The following KLHL22 variants were observed in gnomAD, a reference collection of about 807,000 sequenced individuals.
KLHL22 encodes kelch-like protein 22.
KLHL22 carries 18 observed loss-of-function variants against 60.7 expected under a neutral mutation model. That is an observed-to-expected ratio of 0.30 (90% CI 0.20 to 0.44). KLHL22 has a LOEUF of 0.44. Ranked by LOEUF, KLHL22 falls within the 20% of genes least tolerant of loss-of-function variation. The pLI, the probability that KLHL22 is intolerant of heterozygous loss-of-function variation, is 1.00. For missense variants in KLHL22, 596 were observed against 852.3 expected, an observed-to-expected ratio of 0.70 and a Z score of 3.74; for synonymous variants, 355 against 354.5, an observed-to-expected ratio of 1.00 and a Z score of -0.01.
chr22:20,448,446 T>C (rs984984783), intron 5 of KLHL22, among the ~76,000 whole-genome samples: 1 of 152,250 alleles, frequency 6.6e-6, no homozygotes, highest in African/African-American at 2.4e-5. Context: ...TATTGCTCAG[T>C]AGTATTCCAT....
In KLHL22 at chr22:20,446,612, T is replaced by G. The variant is rs770578900; in HGVS notation, c.1370A>C (p.Glu457Ala). 51 of 1,613,618 alleles carry G rather than the reference T, an allele frequency of 3.2e-5. No individual in the cohort carries two copies. The highest frequency in any genetic ancestry group is 3.4e-5 in the Non-Finnish European group (40 of 1,180,030). Residue 457 changes from glutamate (E) to alanine (A), a missense_variant, in exon 6 of 7, where the codon GAG (glutamate) becomes GCG (alanine). By Grantham distance (107) the Glu-to-Ala change is moderately radical. Coordinates refer to ENST00000328879, the MANE Select transcript of KLHL22 (RefSeq NM_032775.4). ...GCAGTGTGTCTCTTTCAGGTAATCC[T>G]CCCCTCTGCGGCCGCAGGTGATATA... is the stretch of plus-strand genomic sequence containing the variant. ...KMYITCGRRG[E>A]DYLKETHCYD...
At chr22:20,492,620 C>T (rs536997163) in intron 1 of KLHL22, among the ~76,000 whole-genome samples, 21 of 151,050 alleles carry the variant, frequency 1.4e-4, no homozygotes, top group African/African-American at 3.4e-4. Flanking sequence ...GACGGAGTCT[C>T]GCTCTGTCAC....
At chr22:20,468,511 A>G (rs1005975811) in intron 3 of KLHL22, among the ~76,000 whole-genome samples, 1 of 152,222 alleles carries the variant, frequency 6.6e-6, no homozygotes, top group African/African-American at 2.4e-5. Context: ...GACACCGTGA[A>G]GAATCTGGTC....
chr22:20,471,630 T>G (rs2053328604), intron 2 of KLHL22, 115 bp from the exon 3 acceptor site: 1 of 1,062,738 alleles, frequency 9.4e-7, no homozygotes, highest in East Asian at 2.4e-5. Context: ...GCCCTGGTAG[T>G]GGGCTGACCC....
chr22:20,443,655 C>T (rs1205066312), intron 6 of KLHL22, among the ~76,000 whole-genome samples: 1 of 152,116 alleles, frequency 6.6e-6, no homozygotes, highest in East Asian at 1.9e-4. Context: ...AGGAGAATCA[C>T]TTGAACCCAG....
intron 1 of KLHL22, among the ~76,000 whole-genome samples, chr22:20,493,978 C>T (rs2053728978): frequency 6.6e-6 from 1 of 151,416 alleles, no homozygotes; most frequent in Non-Finnish European, 1.5e-5. Context: ...AAGGGGGAAG[C>T]TGAGGCAGGA....
intron 1 of KLHL22, among the ~76,000 whole-genome samples, chr22:20,494,919 G>A (rs1484276116): frequency 1.3e-5 from 2 of 152,236 alleles, no homozygotes; most frequent in Non-Finnish European, 2.9e-5. Flanking sequence ...CGAACGAGCA[G>A]TATCCCCTCA....
rs139279490 is a variant in KLHL22, at chr22:20,442,279, C to T, written c.1699G>A (p.Asp567Asn). The change falls in exon 7 of 7, where the codon GAT (aspartate) becomes AAT (asparagine). Residue 567 changes from aspartate to asparagine, a missense_variant. Asp to Asn is a conservative substitution (Grantham distance 23). Coordinates refer to ENST00000328879, the MANE Select transcript of KLHL22 (RefSeq NM_032775.4). ...TCCTCCCAGCAGTCCTTCTCCACATCGTAAATGTGCACGTAGCCTGTGCGG... is the reference window on the plus strand; with the variant it reads ...TCCTCCCAGCAGTCCTTCTCCACATTGTAAATGTGCACGTAGCCTGTGCGG... ...GSRTGYVHIY[D>N]VEKDCWEEGP... 23 of 1,613,828 alleles carry T rather than the reference C, an allele frequency of 1.4e-5. No homozygotes were observed. Among genetic ancestry groups the T allele is most frequent in the African/African-American group, 5.3e-5 (4 of 74,946 alleles).
chr22:20,480,397 CAAAT>C (rs1273778552), intron 2 of KLHL22, among the ~76,000 whole-genome samples: 7 of 152,194 alleles, frequency 4.6e-5, no homozygotes, highest in South Asian at 4.1e-4. Context: ...GGGGAATGAC[CAAAT>C]AAATAGAGGA....
rs146511974 is a variant in KLHL22, at chr22:20,446,626, G to A, written c.1356C>T (p.Cys452=). 551 of 1,613,346 alleles carry A rather than the reference G, an allele frequency of 3.4e-4. No homozygotes were observed. Among genetic ancestry groups the A allele is most frequent in the Middle Eastern group, 6.6e-4 (4 of 6,062 alleles). ...TCAGGTAATCCTCCCCTCTGCGGCC[G>A]CAGGTGATATACATCTTCCCCTCCA... ...ATLEGKMYIT[C]GRRGEDYLKE... The change falls in exon 6 of 7, where the codon TGC becomes TGT. Residue 452 remains cysteine (C), a synonymous_variant. Coordinates refer to ENST00000328879, the MANE Select transcript of KLHL22 (RefSeq NM_032775.4).
intron 2 of KLHL22, chr22:20,484,013 G>T: frequency 1.4e-6 from 1 of 737,640 alleles, no homozygotes; most frequent in Non-Finnish European, 2.4e-6. Context: ...CGCTGGCCAC[G>T]CTGCTGACCA....
chr22:20,450,314 C>G (rs2146179129), intron 5 of KLHL22: 2 of 1,146,598 alleles, frequency 1.7e-6, no homozygotes, highest in Non-Finnish European at 2.7e-6. Flanking sequence ...TCACTAGTGA[C>G]CTTTATAGAA....
intron 5 of KLHL22, among the ~76,000 whole-genome samples, chr22:20,447,060 C>T (rs547945765): frequency 6.6e-6 from 1 of 152,220 alleles, no homozygotes; most frequent in Non-Finnish European, 1.5e-5. Context: ...ACCCCTCCCC[C>T]ACTCCCACTG....
chr22:20,442,039 G>C lies in KLHL22; in HGVS notation c.*34C>G. On this transcript the variant is annotated 3_prime_UTR_variant, in exon 7 of 7. Transcript: ENST00000328879. ...TGGGTTTCACTGCCCTGCAGCCCCA[G>C]CCTCCCTTCCCTCTGATGCCAGGCA... The C allele has an allele frequency of 1.3e-6, 2 of 1,489,722 alleles. No homozygotes were observed. 92.3% of individuals were successfully genotyped at this position (1,489,722 alleles called of 1,614,324 possible).
intron 2 of KLHL22, among the ~76,000 whole-genome samples, chr22:20,479,261 A>G (rs1184900491): frequency 2.0e-5 from 3 of 151,826 alleles, no homozygotes; most frequent in African/African-American, 7.3e-5. Context: ...TTAAAAAAAT[A>G]TATTAAAAAA....
rs140468576 is a variant in KLHL22, at chr22:20,495,153, C to T, written c.-34+607G>A. On this transcript the variant is annotated intron_variant, in intron 1 of 6. Coordinates refer to ENST00000328879, the MANE Select transcript of KLHL22 (RefSeq NM_032775.4). The surrounding 1 kb of genome is among the most constrained non-coding windows in gnomAD (Gnocchi z 4.6). ...GCCCAGGCGGAAGGTGGCGGTGCCC[C>T]GCTGCCCGCCCCAGATCCACTCGGC... 6.6e-6 allele frequency among the ~76,000 whole-genome samples: 1 copy of T among 152,226 alleles called. No individual in the cohort carries two copies. Among genetic ancestry groups the T allele is most frequent in the African/African-American group, 2.4e-5 (1 of 41,466 alleles).
intron 3 of KLHL22, among the ~76,000 whole-genome samples, chr22:20,469,179 C>A (rs576749785): frequency 2.0e-5 from 3 of 152,242 alleles, no homozygotes; most frequent in South Asian, 2.1e-4. Flanking sequence ...ATGGCAGAAA[C>A]ATACAGATGG....
chr22:20,462,882 T>C (rs1054888936), intron 4 of KLHL22, among the ~76,000 whole-genome samples: 4 of 152,214 alleles, frequency 2.6e-5, no homozygotes, highest in African/African-American at 9.7e-5. Context: ...TTTTTAAATA[T>C]GCGGTTTCTG....
chr22:20,483,126 C>T (rs1214142015), intron 2 of KLHL22: 2 of 638,784 alleles, frequency 3.1e-6, no homozygotes, highest in Non-Finnish European at 5.7e-6. Flanking sequence ...TAGAAGGCCT[C>T]CACCTCCCTG....
Sources: allele counts gnomAD v4.1 joint callset (sites outside exome capture counted in the v4.1 genomes callset), GRCh38; gene constraint gnomAD v4.1.1; non-coding constraint Gnocchi (gnomAD v3.1); transcripts MANE v1.5; gene names NCBI Gene and HGNC (gene_info 2026-07-23, HGNC 2026-07-21).